Variants in OTP observed in about 807,000 individuals in gnomAD.
OTP encodes orthopedia homeobox, also known as homeobox protein orthopedia.
In OTP, 5 loss-of-function variants were observed where a neutral mutation model predicts 22.3. The ratio of observed to expected loss-of-function variants is 0.22; its 90% confidence interval spans 0.12 to 0.47. OTP has a LOEUF of 0.47. Ranked by LOEUF, OTP falls within the 20% of genes least tolerant of loss-of-function variation. The pLI is 0.99. For synonymous variants in OTP, 229 were observed against 210.6 expected (o/e 1.09, Z -0.76); for missense variants, 428 against 456.2 (o/e 0.94, Z 0.56).
chr5:77,636,485 G>A (rs1745009165), intron 2 of OTP: 1 of 318,992 alleles, frequency 3.1e-6, no homozygotes, highest in Non-Finnish European at 5.8e-6. Flanking sequence ...AGCAGGAGTT[G>A]AGGTGTGCGC....
chr5:77,630,802 G>T lies in OTP; in HGVS notation c.448-8C>A. On this transcript the variant is annotated splice_polypyrimidine_tract_variant and splice_region_variant and intron_variant, in intron 2 of 2. Coordinates refer to ENST00000306422, the MANE Select transcript of OTP (RefSeq NM_032109.3). The stretch of plus-strand genomic sequence containing the variant: ...TCGGTTCTGGAACCAGACCTGGAGC[G>T]GGCGGGGCGGGAGACAGACAGGGAG... The T allele has an allele frequency of 6.6e-7, 1 of 1,525,046 alleles. No homozygotes were observed. The highest frequency in any genetic ancestry group is 8.7e-7 in the Non-Finnish European group (1 of 1,144,660). The allele number at this position is 1,525,046 out of a possible 1,614,324, so 94.5% of individuals were successfully genotyped here. A position where few individuals can be genotyped will look rare whatever the true frequency, so the allele number is the denominator to read the frequency against.
chr5:77,638,322 C>T (rs1745041957), intron 1 of OTP, among the ~76,000 whole-genome samples, 191 bp downstream of exon 1: 1 of 151,568 alleles, frequency 6.6e-6, no homozygotes, highest in Non-Finnish European at 1.5e-5. Context: ...TTCCCCAACT[C>T]CTTTCTTGGA....
rs561246022 is a variant in OTP at position 77,630,273 on chromosome 5, G to T, written c.969C>A (p.Ser323Arg). Residue 323 changes from serine (S) to arginine (R), a missense_variant, in exon 3 of 3, where the codon AGC becomes AGA. Transcript: ENST00000306422. ...CCGGGGCGCGGCTGCATTAAGTGAA[G>T]CTCATAGAGACTGTGTGCTCTAGCG... is the stretch of plus-strand genomic sequence containing the variant. ...RKALEHTVSM[S>R]FT 12 of 1,543,590 alleles carry T rather than the reference G, an allele frequency of 7.8e-6. No homozygotes were observed. The East Asian group carries it at 3.0e-4, about 38-fold the overall frequency.
Position 77,637,034 on chromosome 5 carries a change from T to C in OTP, c.234A>G (p.Lys78=), listed in dbSNP as rs1174309918. The C allele has an allele frequency of 1.2e-6, 2 of 1,612,850 alleles. No homozygotes were observed. The highest frequency in any genetic ancestry group is 1.3e-5 in the African/African-American group (1 of 74,922). The change falls in exon 2 of 3, where the codon AAA becomes AAG. Residue 78 remains lysine (K), a synonymous_variant. Transcript: ENST00000306422. ...GGGGCCCGGGCTGCTTGTCCGGGTC[T>C]TTGGCGCTCACCGCCAGCGAGGCCG... ...STPASLAVSA[K]DPDKQPGPQG...
chr5:77,638,606 A>G lies in OTP; in HGVS notation c.-57T>C. 1 of 1,463,356 alleles carries G rather than the reference A, an allele frequency of 6.8e-7. No homozygotes were observed. Among genetic ancestry groups the G allele is most frequent in the Non-Finnish European group, 9.2e-7 (1 of 1,092,306 alleles). 90.6% of individuals were successfully genotyped at this position (1,463,356 alleles called of 1,614,324 possible). On this transcript the variant is annotated 5_prime_UTR_variant, in exon 1 of 3. Coordinates refer to ENST00000306422, the MANE Select transcript of OTP (RefSeq NM_032109.3). ...CCCCAAATTTTAGCGGCTTTAAGTTATTTAAAATAGATATAAGCTATAAGC... is the reference window on the plus strand; with the variant it reads ...CCCCAAATTTTAGCGGCTTTAAGTTGTTTAAAATAGATATAAGCTATAAGC...
chr5:77,638,262 A>AAAAAAG (rs1561247677), intron 1 of OTP, among the ~76,000 whole-genome samples: 1 of 138,854 alleles, frequency 7.2e-6, no homozygotes. Context: ...AAAAAAAAAA[A>AAAAAAG]GGCGGGGGAG....
intron 2 of OTP, chr5:77,636,513 G>GCC: frequency 5.6e-6 from 2 of 358,616 alleles, no homozygotes. Flanking sequence ...GGCCGCCCGG[G>GCC]GGGGCGCTGA....
Position 77,638,557 on chromosome 5 carries a change from C to G in OTP, c.-8G>C. On this transcript the variant is annotated 5_prime_UTR_variant, in exon 1 of 3. Coordinates refer to ENST00000306422, the MANE Select transcript of OTP (RefSeq NM_032109.3). ...GTCGGCATGAGACAGCATCGCGCACCGCTCCAGGGCGAAAGCTGTTCCCCC... is the reference window on the plus strand; with the variant it reads ...GTCGGCATGAGACAGCATCGCGCACGGCTCCAGGGCGAAAGCTGTTCCCCC... 5.1e-6 allele frequency: 8 copies of G among 1,560,310 alleles called. No homozygotes were observed. The highest frequency in any genetic ancestry group is 1.2e-5 in the South Asian group (1 of 81,584).
At chr5:77,631,460 C>T (rs1265307627) in intron 2 of OTP, among the ~76,000 whole-genome samples, 1 of 151,954 alleles carries the variant, frequency 6.6e-6, no homozygotes, top group Admixed American at 6.5e-5. Flanking sequence ...CACAACTCTC[C>T]GTGCCTCATT....
intron 2 of OTP, among the ~76,000 whole-genome samples, chr5:77,634,923 T>G (rs1321868070): frequency 6.6e-6 from 1 of 152,206 alleles, no homozygotes; most frequent in African/African-American, 2.4e-5. Flanking sequence ...GTGCATTCTT[T>G]TGTGTACTTT....
chr5:77,630,908 G>T, intron 2 of OTP, 114 bp from the exon 3 acceptor site: 1 of 1,197,660 alleles, frequency 8.3e-7, no homozygotes, highest in Admixed American at 3.1e-5. Context: ...TGCCCTGGGA[G>T]GAACAAGTGC....
chr5:77,636,652 C>T (rs1049158055), intron 2 of OTP, 169 bp downstream of exon 2: 1 of 630,096 alleles, frequency 1.6e-6, no homozygotes, highest in Non-Finnish European at 2.7e-6. Flanking sequence ...TGGGGGATGG[C>T]GATGGGGACC....
intron 2 of OTP, among the ~76,000 whole-genome samples, chr5:77,631,551 C>CTT (rs70988699): frequency 0.068 from 5,010 of 74,202 alleles, 383 homozygotes; most frequent in Non-Finnish European, 0.086. Context: ...CAACCCTATT[C>CTT]TTTTTTTTTT....
Position 77,630,460 on chromosome 5 carries a change from C to A in OTP, c.782G>T (p.Gly261Val), listed in dbSNP as rs770210264. Residue 261 changes from glycine to valine, a missense_variant, in exon 3 of 3, where the codon GGC (glycine) becomes GTC (valine). Coordinates refer to ENST00000306422, the MANE Select transcript of OTP (RefSeq NM_032109.3). ...GTAGAGGTGCGACTGCAGCCCCGCGCCGTTGGAACCCGCCAGGCTGTTGGA... is the reference window on the plus strand; with the variant it reads ...GTAGAGGTGCGACTGCAGCCCCGCGACGTTGGAACCCGCCAGGCTGTTGGA... Reference protein sequence around the residue: ...GLSNSLAGSNGAGLQSHLYQP... With the variant: ...GLSNSLAGSNVAGLQSHLYQP... The A allele has an allele frequency of 2.5e-6, 4 of 1,585,566 alleles. No individual in the cohort carries two copies. The highest frequency in any genetic ancestry group is 2.6e-6 in the Non-Finnish European group (3 of 1,167,730).
At chr5:77,635,407 G>A (rs1008533027) in intron 2 of OTP, among the ~76,000 whole-genome samples, 2 of 152,066 alleles carry the variant, frequency 1.3e-5, no homozygotes, top group African/African-American at 2.4e-5. Flanking sequence ...TACTCTTTTG[G>A]TGTGTCGTTT....
At position 77,633,171 on chromosome 5, in the gene OTP, A is replaced by G. The variant is rs547473058; in HGVS notation, c.448-2377T>C. On this transcript the variant is annotated intron_variant, in intron 2 of 2. Transcript: ENST00000306422. ...AAAAGAAAGAGGGGGAGGATTGCCCAGTAGAATTTCAATAGAAAATGTGAC... is the reference window on the plus strand; with the variant it reads ...AAAAGAAAGAGGGGGAGGATTGCCCGGTAGAATTTCAATAGAAAATGTGAC... 3.3e-5 allele frequency among the ~76,000 whole-genome samples: 5 copies of G among 152,350 alleles called. No homozygotes were observed. In the East Asian group the frequency reaches 9.6e-4, roughly 29 times the overall value.
rs752604920 is a variant in OTP at position 77,637,108 on chromosome 5, C to T, written c.160G>A (p.Gly54Arg). 2.5e-6 allele frequency: 4 copies of T among 1,612,132 alleles called. No individual in the cohort carries two copies. The highest frequency in any genetic ancestry group is 3.4e-6 in the Non-Finnish European group (4 of 1,179,266). ...TCCTCCCCGGGCAGCAGAGTGGCTCCCTCCACTGGGTCAGAGTTGGGCGCC... is the reference window on the plus strand; with the variant it reads ...TCCTCCCCGGGCAGCAGAGTGGCTCTCTCCACTGGGTCAGAGTTGGGCGCC... ...DLAPNSDPVE[G>R]ATLLPGEDIT... Residue 54 changes from glycine (G) to arginine (R), a missense_variant, in exon 2 of 3, where the codon GGA becomes AGA. Physicochemically the swap from Gly to Arg is moderately radical, Grantham distance 125 (BLOSUM62 -2). Transcript: ENST00000306422.
At position 77,638,653 on chromosome 5, in the gene OTP, G is replaced by T; in HGVS notation, c.-104C>A. On this transcript the variant is annotated 5_prime_UTR_variant, in exon 1 of 3. Transcript: ENST00000306422. ...AAGCTATACGATATAGATATATATA[G>T]ATCACCTAAATGAAAGAAAATTCGG... 2 of 1,104,474 alleles carry T rather than the reference G, an allele frequency of 1.8e-6. No homozygotes were observed. The highest frequency in any genetic ancestry group is 2.1e-5 in the South Asian group (1 of 47,152). 68.4% of individuals were successfully genotyped at this position (1,104,474 alleles called of 1,614,324 possible). A position where few individuals can be genotyped will look rare whatever the true frequency, so the allele number is the denominator to read the frequency against.
In OTP at chr5:77,630,417, G is replaced by T; in HGVS notation, c.825C>A (p.Gly275=). 2 of 1,581,148 alleles carry T rather than the reference G, an allele frequency of 1.3e-6. No individual in the cohort carries two copies. Among genetic ancestry groups the T allele is most frequent in the Non-Finnish European group, 1.7e-6 (2 of 1,165,922 alleles). The change falls in exon 3 of 3, where the codon GGC becomes GGA. Residue 275 remains glycine, a synonymous_variant. Transcript: ENST00000306422. ...QSHLYQPAFP[G]MVPASLPGPS... is the part of the protein sequence containing the mutation. ...GGCCGGGGAGGGAGGCGGGCACCAT[G>T]CCGGGGAAGGCGGGCTGGTAGAGGT...
Sources: allele counts gnomAD v4.1 joint callset (sites outside exome capture counted in the v4.1 genomes callset), GRCh38; gene constraint gnomAD v4.1.1; transcripts MANE v1.5; gene names NCBI Gene and HGNC (gene_info 2026-07-23, HGNC 2026-07-21).